Variants in SLC16A12 observed in about 807,000 individuals in gnomAD.
SLC16A12 encodes monocarboxylate transporter 12.
In SLC16A12, 17 loss-of-function variants were observed where a neutral mutation model predicts 42.4. The observed-to-expected ratio is 0.40, with a 90% confidence interval of 0.27 to 0.60. The LOEUF is 0.60. SLC16A12 is among the 20% of genes least tolerant of loss of function. The probability of loss-of-function intolerance (pLI) is 0.42; values close to 1 mark genes in which losing one functional copy is unlikely to be tolerated. For missense variants in SLC16A12, 544 were observed against 623.0 expected (o/e 0.87, Z 1.35); for synonymous variants, 224 against 229.4 (o/e 0.98, Z 0.21).
rs932817800 is a variant in SLC16A12 at position 89,445,037 on chromosome 10, G to T, written c.201-1178C>A. Among the ~76,000 whole-genome samples, 3 of 152,362 alleles carry T rather than the reference G, an allele frequency of 2.0e-5. No individual in the cohort carries two copies. The East Asian group carries it at 5.8e-4, about 29-fold the overall frequency. On this transcript the variant is annotated intron_variant, in intron 3 of 7. Coordinates refer to ENST00000371790, the MANE Select transcript of SLC16A12 (RefSeq NM_213606.4). The stretch of plus-strand genomic sequence containing the variant: ...AGATCAAACTGTGAGGCGGCAGCCC[G>T]GCTGCGGGAGGGGCATCTGCCATTG...
chr10:89,554,099 A>AGAAAGAAAGAAAGAAAGAAG, intron 2 of SLC16A12, among the ~76,000 whole-genome samples: 1 of 14,472 alleles, frequency 6.9e-5, no homozygotes, highest in Non-Finnish European at 1.5e-4. Context: ...AAAGAAAGAA[A>AGAAAGAAAGAAAGAAAGAAG]GAAGGAAGGA....
At chr10:89,447,820 G>T (rs1023220813) in intron 3 of SLC16A12, among the ~76,000 whole-genome samples, 2 of 152,150 alleles carry the variant, frequency 1.3e-5, no homozygotes, top group African/African-American at 4.8e-5. Context: ...GAATTCAGGA[G>T]CTGGTTTTTT....
intron 2 of SLC16A12, among the ~76,000 whole-genome samples, chr10:89,481,978 A>C (rs1842671313): frequency 6.6e-6 from 1 of 152,198 alleles, no homozygotes; most frequent in African/African-American, 2.4e-5. Flanking sequence ...GGAGAAAAAC[A>C]AGTTAATATT....
At chr10:89,445,408 C>T (rs1168006342) in intron 3 of SLC16A12, among the ~76,000 whole-genome samples, 1 of 152,210 alleles carries the variant, frequency 6.6e-6, no homozygotes, top group Non-Finnish European at 1.5e-5. Context: ...GCAATATTTG[C>T]TGTTCTGCAA....
At chr10:89,456,981 G>A (rs761216593) in intron 3 of SLC16A12, among the ~76,000 whole-genome samples, 7 of 152,262 alleles carry the variant, frequency 4.6e-5, no homozygotes, top group Non-Finnish European at 2.9e-5. Context: ...TTGATTCCAT[G>A]TCTTTGCTAT....
intron 2 of SLC16A12, among the ~76,000 whole-genome samples, chr10:89,542,223 T>C (rs1843719546): frequency 6.6e-6 from 1 of 152,134 alleles, no homozygotes. Context: ...TTGTTATGAA[T>C]TATTATTATA....
intron 3 of SLC16A12, 149 bp from the exon 4 acceptor site, chr10:89,444,008 T>C: frequency 4.4e-6 from 3 of 674,418 alleles, no homozygotes; most frequent in Non-Finnish European, 8.0e-6. Flanking sequence ...AAGCTGACCA[T>C]TTGGGCCATG....
chr10:89,435,753 C>T (rs1301272582), intron 7 of SLC16A12, among the ~76,000 whole-genome samples: 5 of 152,110 alleles, frequency 3.3e-5, no homozygotes, highest in African/African-American at 1.2e-4. Flanking sequence ...ATGCACCCTA[C>T]TTATTTATAA....
At chr10:89,439,253 A>G in intron 5 of SLC16A12, 70 bp from the exon 6 acceptor site, 1 of 1,459,184 alleles carries the variant, frequency 6.9e-7, no homozygotes, top group African/African-American at 1.4e-5. Flanking sequence ...GAATACAATG[A>G]TTTATATTAA....
intron 2 of SLC16A12, among the ~76,000 whole-genome samples, chr10:89,522,447 C>G (rs1051275875): frequency 2.0e-5 from 3 of 152,218 alleles, no homozygotes; most frequent in African/African-American, 7.2e-5. Flanking sequence ...TACTAACCCC[C>G]AATTCTGCAT....
chr10:89,472,068 G>T (rs1457206930), intron 2 of SLC16A12, among the ~76,000 whole-genome samples: 1 of 152,060 alleles, frequency 6.6e-6, no homozygotes, highest in Admixed American at 6.5e-5. Context: ...CCCACTCTGT[G>T]GCTTACCTAT....
intron 3 of SLC16A12, among the ~76,000 whole-genome samples, chr10:89,447,738 G>C (rs1452557488): frequency 6.6e-6 from 1 of 152,020 alleles, no homozygotes; most frequent in African/African-American, 2.4e-5. Flanking sequence ...GCTAGCAGAA[G>C]GCAAGAAATA....
intron 2 of SLC16A12, among the ~76,000 whole-genome samples, chr10:89,553,047 A>T (rs1365966078): frequency 1.3e-5 from 2 of 152,154 alleles, no homozygotes; most frequent in Non-Finnish European, 2.9e-5. Flanking sequence ...GGAGTTTGAG[A>T]CCAGCCTGGC....
At chr10:89,551,595 C>T (rs1843771512) in intron 2 of SLC16A12, among the ~76,000 whole-genome samples, 1 of 152,188 alleles carries the variant, frequency 6.6e-6, no homozygotes, top group Non-Finnish European at 1.5e-5. Flanking sequence ...TCCCATAATT[C>T]CCATGTGTTG....
intron 2 of SLC16A12, among the ~76,000 whole-genome samples, chr10:89,502,357 G>A (rs533883727): frequency 7.2e-5 from 11 of 152,204 alleles, no homozygotes; most frequent in Non-Finnish European, 1.5e-4. Flanking sequence ...GGCTGAGGCA[G>A]AAGAATTGCT....
At chr10:89,454,618 T>C (rs1842155650) in intron 3 of SLC16A12, among the ~76,000 whole-genome samples, 1 of 151,820 alleles carries the variant, frequency 6.6e-6, no homozygotes, top group South Asian at 2.1e-4. Flanking sequence ...ACATCACCCA[T>C]GATTTTTTTT....
At chr10:89,541,889 T>C (rs1843717920) in intron 2 of SLC16A12, among the ~76,000 whole-genome samples, 1 of 152,248 alleles carries the variant, frequency 6.6e-6, no homozygotes. Flanking sequence ...TTGATATTAT[T>C]ATTTTGTGTC....
At chr10:89,501,540 A>G (rs1188453823) in intron 2 of SLC16A12, among the ~76,000 whole-genome samples, 1 of 152,174 alleles carries the variant, frequency 6.6e-6, no homozygotes, top group African/African-American at 2.4e-5. Flanking sequence ...CAAAGCAAAC[A>G]AAAACATAAA....
chr10:89,554,528 CA>C (rs937224839), intron 2 of SLC16A12, among the ~76,000 whole-genome samples: 2 of 152,118 alleles, frequency 1.3e-5, no homozygotes, highest in Non-Finnish European at 2.9e-5. Flanking sequence ...TTGGGTTGAA[CA>C]GGTTTGTTTT....
Sources: gnomAD v4.1 joint callset for allele counts (sites outside exome capture counted in the v4.1 genomes callset) on GRCh38, gnomAD v4.1.1 for gene constraint, MANE v1.5 for transcripts, NCBI Gene and HGNC (gene_info 2026-07-23, HGNC 2026-07-21) for gene names.